The following ST6GALNAC3 variants were observed in gnomAD, a reference collection of about 807,000 sequenced individuals.
ST6GALNAC3 encodes the protein ST6 N-acetylgalactosaminide alpha-2,6-sialyltransferase 3.
ST6GALNAC3 carries 25 observed loss-of-function variants against 32.7 expected under a neutral mutation model. That is an observed-to-expected ratio of 0.76 (90% CI 0.56 to 1.07). ST6GALNAC3 has a LOEUF of 1.07. Ranked by LOEUF, ST6GALNAC3 falls within the 50% of genes least tolerant of loss-of-function variation. The pLI is 0.00. For missense variants in ST6GALNAC3, 355 were observed against 382.4 expected (o/e 0.93, Z 0.60); for synonymous variants, 129 against 133.1 (o/e 0.97, Z 0.21).
At chr1:76,217,562 G>C (rs1421913010) in intron 1 of ST6GALNAC3, among the ~76,000 whole-genome samples, 4 of 152,094 alleles carry the variant, frequency 2.6e-5, no homozygotes, top group African/African-American at 7.2e-5. Context: ...AGTGGTGTTT[G>C]GTTACATGAA....
intron 3 of ST6GALNAC3, among the ~76,000 whole-genome samples, chr1:76,457,260 T>A (rs568483255): frequency 2.0e-5 from 3 of 152,106 alleles, no homozygotes; most frequent in East Asian, 3.9e-4. Context: ...ATCAATATCG[T>A]GAAAATGGCC....
At chr1:76,208,565 G>A (rs1385349392) in intron 1 of ST6GALNAC3, among the ~76,000 whole-genome samples, 2 of 152,108 alleles carry the variant, frequency 1.3e-5, no homozygotes, top group Non-Finnish European at 2.9e-5. Flanking sequence ...CTAACTTTCT[G>A]AGGGAGTCAT....
At chr1:76,286,369 A>G (rs1289497664) in intron 1 of ST6GALNAC3, among the ~76,000 whole-genome samples, 1 of 152,216 alleles carries the variant, frequency 6.6e-6, no homozygotes, top group African/African-American at 2.4e-5. Context: ...ATGTGTTTGT[A>G]AGGCCAGTGG....
chr1:76,583,514 C>T (rs1474251328), intron 3 of ST6GALNAC3, among the ~76,000 whole-genome samples: 1 of 150,222 alleles, frequency 6.7e-6, no homozygotes, highest in Non-Finnish European at 1.5e-5. Flanking sequence ...GTAGGATTGC[C>T]CAACAGTTGT....
At chr1:76,485,545 A>C (rs1031279863) in intron 3 of ST6GALNAC3, among the ~76,000 whole-genome samples, 1 of 152,146 alleles carries the variant, frequency 6.6e-6, no homozygotes, top group Non-Finnish European at 1.5e-5. Context: ...GGTTGTTTGT[A>C]TTTCTGTGGG....
At chr1:76,616,452 A>G (rs1235749032) in intron 3 of ST6GALNAC3, among the ~76,000 whole-genome samples, 1 of 152,220 alleles carries the variant, frequency 6.6e-6, no homozygotes, top group Non-Finnish European at 1.5e-5. Context: ...CAAGTCACTT[A>G]ACTTCAAGTA....
chr1:76,350,281 C>T (rs558171854), intron 2 of ST6GALNAC3, among the ~76,000 whole-genome samples: 1 of 152,218 alleles, frequency 6.6e-6, no homozygotes, highest in African/African-American at 2.4e-5. Context: ...TCCTTCTGAG[C>T]CTCCTGAGTA....
chr1:76,212,724 T>TA (rs1267066239), intron 1 of ST6GALNAC3, among the ~76,000 whole-genome samples: 1 of 152,222 alleles, frequency 6.6e-6, no homozygotes, highest in Non-Finnish European at 1.5e-5. Context: ...GTGGTTGATT[T>TA]AAAAATGCAA....
intron 3 of ST6GALNAC3, among the ~76,000 whole-genome samples, chr1:76,458,532 A>G (rs1658021274): frequency 1.4e-5 from 2 of 143,070 alleles, no homozygotes; most frequent in Non-Finnish European, 3.0e-5. Flanking sequence ...TGGCACATAT[A>G]CACCATGGAA....
rs142897598 is a variant in ST6GALNAC3 at position 76,412,134 on chromosome 1, G to A, written c.340G>A (p.Gly114Ser). The change falls in exon 3 of 5, where the codon GGT becomes AGT. Residue 114 changes from glycine to serine, a missense_variant. Physicochemically the swap from Gly to Ser is moderately conservative, Grantham distance 56. Transcript: ENST00000328299. ...IWRMNNAPTKGYEEDVGRMTM... is the reference protein window; with the variant it reads ...IWRMNNAPTKSYEEDVGRMTM... Reference sequence around the variant, plus strand: ...GAGAATGAACAATGCCCCCACCAAAGGTTATGAAGAAGATGTCGGCCGCAT... The same window carrying A: ...GAGAATGAACAATGCCCCCACCAAAAGTTATGAAGAAGATGTCGGCCGCAT... 6.2e-7 allele frequency: 1 copy of A among 1,613,700 alleles called. No homozygotes were observed. Among genetic ancestry groups the A allele is most frequent in the Non-Finnish European group, 8.5e-7 (1 of 1,179,804 alleles).
At chr1:76,284,133 AT>A (rs1659649872) in intron 1 of ST6GALNAC3, among the ~76,000 whole-genome samples, 1 of 152,064 alleles carries the variant, frequency 6.6e-6, no homozygotes, top group African/African-American at 2.4e-5. Flanking sequence ...TGTAAGTTTA[AT>A]TTTTTTTCCT....
At chr1:76,258,918 C>G (rs2100721833) in intron 1 of ST6GALNAC3, among the ~76,000 whole-genome samples, 1 of 152,282 alleles carries the variant, frequency 6.6e-6, no homozygotes, top group Non-Finnish European at 1.5e-5. Context: ...TCAACATTTA[C>G]ATTGTCCAAA....
At chr1:76,548,300 A>T (rs1664417688) in intron 3 of ST6GALNAC3, among the ~76,000 whole-genome samples, 1 of 152,098 alleles carries the variant, frequency 6.6e-6, no homozygotes, top group African/African-American at 2.4e-5. Flanking sequence ...TTGGCTGCAA[A>T]TAAGAGGAAA....
At chr1:76,571,629 G>A (rs959078864) in intron 3 of ST6GALNAC3, among the ~76,000 whole-genome samples, 5 of 152,028 alleles carry the variant, frequency 3.3e-5, no homozygotes, top group Admixed American at 3.3e-4. Context: ...TCAAATAATT[G>A]AAGAATAACT....
At chr1:76,438,947 T>A (rs1233760316) in intron 3 of ST6GALNAC3, among the ~76,000 whole-genome samples, 1 of 152,154 alleles carries the variant, frequency 6.6e-6, no homozygotes, top group Non-Finnish European at 1.5e-5. Flanking sequence ...AGGGGCAGTT[T>A]TATTCTTTTT....
intron 1 of ST6GALNAC3, among the ~76,000 whole-genome samples, chr1:76,092,683 G>A (rs1020698278): frequency 1.3e-5 from 2 of 152,164 alleles, no homozygotes; most frequent in African/African-American, 4.8e-5. Context: ...TGCAATTATT[G>A]TCGTAGAAGA....
intron 1 of ST6GALNAC3, among the ~76,000 whole-genome samples, chr1:76,222,739 A>G (rs1045796541): frequency 1.3e-5 from 2 of 152,208 alleles, no homozygotes; most frequent in African/African-American, 4.8e-5. Context: ...AAGTGAGCAA[A>G]GGACATGAAC....
chr1:76,494,649 G>GCACACACACACACA (rs35632611), intron 3 of ST6GALNAC3, among the ~76,000 whole-genome samples: 727 of 67,720 alleles, frequency 0.011, 65 homozygotes, highest in African/African-American at 0.045. Flanking sequence ...ATGTGTATGC[G>GCACACACACACACA]CACACACACA....
intron 1 of ST6GALNAC3, among the ~76,000 whole-genome samples, chr1:76,201,239 G>A (rs779267570): frequency 5.9e-5 from 9 of 152,162 alleles, no homozygotes; most frequent in Non-Finnish European, 1.3e-4. Flanking sequence ...AGTTCGACAT[G>A]GCCAGCGAGG....
Sources: allele counts gnomAD v4.1 joint callset (sites outside exome capture counted in the v4.1 genomes callset), GRCh38; gene constraint gnomAD v4.1.1; transcripts MANE v1.5; gene names NCBI Gene and HGNC (gene_info 2026-07-23, HGNC 2026-07-21).